TLL2: variants seen among roughly 807,000 people sequenced by gnomAD.
The protein encoded by TLL2 is tolloid like 2.
A neutral mutation model predicts 123.0 loss-of-function variants in TLL2; 106 were observed. The ratio of observed to expected loss-of-function variants is 0.86; its 90% CI spans 0.74 to 1.01. The LOEUF (loss-of-function observed/expected upper bound fraction) is 1.01. Ranked by LOEUF, TLL2 falls within the 50% of genes least tolerant of loss-of-function variation. The pLI, the probability that TLL2 is intolerant of heterozygous loss-of-function variation, is 0.00. For missense variants in TLL2, 1,332 were observed against 1,336.7 expected, an observed-to-expected ratio of 1.00 and a Z score of 0.06; for synonymous variants, 494 against 516.8, an observed-to-expected ratio of 0.96 and a Z score of 0.60.
Position 96,373,792 on chromosome 10 carries a change from C to T in TLL2, c.2466G>A (p.Glu822=). The T allele has an allele frequency of 6.2e-7, 1 of 1,613,912 alleles. No individual in the cohort carries two copies. The highest frequency in any genetic ancestry group is 8.5e-7 in the Non-Finnish European group (1 of 1,180,054). Residue 822 remains glutamate (E), a synonymous_variant, in exon 19 of 21, where the codon GAG becomes GAA. Coordinates refer to ENST00000357947, the MANE Select transcript of TLL2 (RefSeq NM_012465.4). ...HRVKLTFNEF[E]IEQHQECAYD... ...AGGCACATTCCTGGTGCTGCTCGAT[C>T]TCAAACTCATTAAAGGTCTGGGGAC... is the stretch of plus-strand genomic sequence containing the variant.
intron 1 of TLL2, among the ~76,000 whole-genome samples, chr10:96,481,136 T>C (rs1847308265): frequency 9.1e-6 from 1 of 110,416 alleles, no homozygotes; most frequent in Non-Finnish European, 1.9e-5. Flanking sequence ...GTTTTTTTTG[T>C]TGGGGGATGG....
In TLL2 at chr10:96,446,889, C is replaced by T. The variant is rs1427104146; in HGVS notation, c.287-721G>A. Reference sequence around the variant, plus strand: ...CAGGCACCATGGATCCAGCAGTGAACGAGGCAGGTGAGTTCCTGCTCTCAA... The same window carrying T: ...CAGGCACCATGGATCCAGCAGTGAATGAGGCAGGTGAGTTCCTGCTCTCAA... On this transcript the variant is annotated intron_variant, in intron 2 of 20. Coordinates refer to ENST00000357947, the MANE Select transcript of TLL2 (RefSeq NM_012465.4). Among the ~76,000 whole-genome samples the T allele has an allele frequency of 3.3e-5, 5 of 152,306 alleles. No homozygotes were observed. The South Asian group carries it at 6.2e-4, about 19-fold the overall frequency.
At chr10:96,454,772 T>TC (rs1846995323) in intron 2 of TLL2, among the ~76,000 whole-genome samples, 1 of 152,198 alleles carries the variant, frequency 6.6e-6, no homozygotes, top group South Asian at 2.1e-4. Context: ...TCAGCACTCA[T>TC]TGAGTTAGTG....
At chr10:96,501,204 A>C (rs1275600240) in intron 1 of TLL2, among the ~76,000 whole-genome samples, 2 of 152,248 alleles carry the variant, frequency 1.3e-5, no homozygotes, top group African/African-American at 4.8e-5. Flanking sequence ...TGTGTAGTTA[A>C]GGAAAACATT....
chr10:96,471,414 T>C (rs937623054), intron 2 of TLL2, among the ~76,000 whole-genome samples: 2 of 151,620 alleles, frequency 1.3e-5, no homozygotes, highest in African/African-American at 4.9e-5. Flanking sequence ...TGCTCCAGAG[T>C]CCCCTGCAGG....
rs770055850 is a variant in TLL2 at position 96,432,761 on chromosome 10, G to C, written c.520+46C>G. 15 of 1,593,272 alleles carry C rather than the reference G, an allele frequency of 9.4e-6. 2 individuals are homozygous for C. The South Asian group carries it at 1.0e-4, about 11-fold the overall frequency. On this transcript the variant is annotated intron_variant, in intron 4 of 20. Coordinates refer to ENST00000357947, the MANE Select transcript of TLL2 (RefSeq NM_012465.4). Reference sequence around the variant, plus strand: ...TAGAAGGACTCTCTCAACCCAGGGAGACAAAGCACCCTGACCCAAAGCAGA... The same window carrying C: ...TAGAAGGACTCTCTCAACCCAGGGACACAAAGCACCCTGACCCAAAGCAGA...
chr10:96,424,167 G>T (rs995496143), intron 5 of TLL2, among the ~76,000 whole-genome samples: 1 of 152,096 alleles, frequency 6.6e-6, no homozygotes. Context: ...GAAGGGTAGT[G>T]GGGGACTGGT....
chr10:96,371,465 T>C (rs1397813874), intron 19 of TLL2, among the ~76,000 whole-genome samples: 1 of 152,168 alleles, frequency 6.6e-6, no homozygotes, highest in Non-Finnish European at 1.5e-5. Flanking sequence ...AGGCAAACGC[T>C]GTTGTAGATT....
rs138905030 is a variant in TLL2 at position 96,386,054 on chromosome 10, C to A, written c.2013+1G>T. 4.4e-6 allele frequency: 7 copies of A among 1,592,060 alleles called. No individual in the cohort carries two copies. Among genetic ancestry groups the A allele is most frequent in the Non-Finnish European group, 5.1e-6 (6 of 1,169,336 alleles). On this transcript the variant is annotated splice_donor_variant, in intron 15 of 20. Transcript: ENST00000357947. LOFTEE classifies it high-confidence loss of function. ...CAATCAATTAGAGCATGGAGACATA[C>A]GTCATTGCCTTCCAGTTCAAACACT... is the stretch of plus-strand genomic sequence containing the variant.
intron 16 of TLL2, among the ~76,000 whole-genome samples, chr10:96,380,964 C>G (rs555416300): frequency 6.7e-6 from 1 of 150,194 alleles, no homozygotes; most frequent in African/African-American, 2.5e-5. Flanking sequence ...GCAACAAGAG[C>G]GACACTCTGT....
At chr10:96,394,411 C>T (rs1468536316) in intron 13 of TLL2, among the ~76,000 whole-genome samples, 1 of 152,006 alleles carries the variant, frequency 6.6e-6, no homozygotes, top group African/African-American at 2.4e-5. Context: ...AGGACCTGCC[C>T]GTTCAAAGGA....
chr10:96,479,758 C>T (rs2134104047), intron 2 of TLL2, among the ~76,000 whole-genome samples: 1 of 152,380 alleles, frequency 6.6e-6, no homozygotes, highest in East Asian at 1.9e-4. Context: ...GACACATCTC[C>T]TGCCACAGCC....
chr10:96,497,906 C>A (rs1196877343), intron 1 of TLL2, among the ~76,000 whole-genome samples: 1 of 152,232 alleles, frequency 6.6e-6, no homozygotes, highest in Non-Finnish European at 1.5e-5. Flanking sequence ...TGGCCTATGC[C>A]AACACCTTTC....
At chr10:96,504,068 C>T (rs1847557631) in intron 1 of TLL2, among the ~76,000 whole-genome samples, 1 of 152,148 alleles carries the variant, frequency 6.6e-6, no homozygotes. Flanking sequence ...CCTGTAATGC[C>T]CCTGAGATCA....
chr10:96,511,953 C>T (rs1214295237), intron 1 of TLL2, among the ~76,000 whole-genome samples: 35 of 152,190 alleles, frequency 2.3e-4, no homozygotes, highest in Admixed American at 2.3e-3. Context: ...TCTGGAGCCT[C>T]TTCTCCCTGG....
At chr10:96,379,125 C>A in intron 16 of TLL2, 33 bp from the exon 17 acceptor site, 1 of 1,588,020 alleles carries the variant, frequency 6.3e-7, no homozygotes. Context: ...CTAAGAGGAA[C>A]CGCCAACTTG....
intron 1 of TLL2, among the ~76,000 whole-genome samples, chr10:96,509,882 G>T (rs1189318757): frequency 6.6e-6 from 1 of 152,232 alleles, no homozygotes; most frequent in South Asian, 2.1e-4. Flanking sequence ...GGGAGGCGGA[G>T]CTTGCAGTGA....
Position 96,476,248 on chromosome 10 carries a change from T to TGTTGTTGTTGTTG in TLL2, c.286+4100_286+4101insCAACAACAACAAC, listed in dbSNP as rs1554939656. Among the ~76,000 whole-genome samples the TGTTGTTGTTGTTG allele has an allele frequency of 2.7e-3, 190 of 69,250 alleles. 10 individuals carry two copies. The highest frequency in any genetic ancestry group is 0.011 in the African/African-American group (182 of 16,078). 45.4% of individuals were successfully genotyped at this position (69,250 alleles called of 152,430 possible). ...TATATATATATATATATATTTTATTTTTGTTGTTGTTGTTGTTGTTGAGAC... is the reference window on the plus strand; with the variant it reads ...TATATATATATATATATATTTTATTTGTTGTTGTTGTTGTTGTTGTTGTTGTTGTTGTTGAGAC... On this transcript the variant is annotated intron_variant, in intron 2 of 20. Coordinates refer to ENST00000357947, the MANE Select transcript of TLL2 (RefSeq NM_012465.4).
intron 2 of TLL2, among the ~76,000 whole-genome samples, chr10:96,448,366 T>C (rs191952277): frequency 6.6e-6 from 1 of 152,338 alleles, no homozygotes; most frequent in Admixed American, 6.5e-5. Flanking sequence ...CCACCTGTGG[T>C]GTGGAGGCGA....
Sources: allele counts gnomAD v4.1 joint callset (sites outside exome capture counted in the v4.1 genomes callset), GRCh38; gene constraint gnomAD v4.1.1; transcripts MANE v1.5; gene names NCBI Gene and HGNC (gene_info 2026-07-23, HGNC 2026-07-21).